Variants in NALCN observed in about 807,000 individuals in gnomAD.
The protein encoded by NALCN is sodium leak channel NALCN.
Under a neutral mutation model 225.3 loss-of-function variants are expected in NALCN, and 111 were observed. The observed-to-expected ratio is 0.49, with a 90% CI of 0.42 to 0.58. The LOEUF (loss-of-function observed/expected upper bound fraction) is 0.58, where lower values mean the gene tolerates loss of function less well. Among genes scored for constraint, NALCN ranks in the 20% least tolerant of loss-of-function variants. The probability of loss-of-function intolerance (pLI) is 0.00; values close to 1 mark genes in which losing one functional copy is unlikely to be tolerated. For synonymous variants in NALCN, 764 were observed against 769.0 expected, an observed-to-expected ratio of 0.99 and a Z score of 0.11; for missense variants, 1,378 against 2,202.4, an observed-to-expected ratio of 0.63 and a Z score of 7.49.
At chr13:101,183,062 G>A (rs1465699910) in intron 14 of NALCN, among the ~76,000 whole-genome samples, 1 of 152,210 alleles carries the variant, frequency 6.6e-6, no homozygotes, top group African/African-American at 2.4e-5. Flanking sequence ...GGGAGTGGGT[G>A]ACAAGCCCTC....
intron 17 of NALCN, among the ~76,000 whole-genome samples, chr13:101,140,296 C>T (rs1462713952): frequency 6.6e-6 from 1 of 152,196 alleles, no homozygotes; most frequent in Non-Finnish European, 1.5e-5. Context: ...TAGACTCCTC[C>T]TCAGCCCGGC....
intron 7 of NALCN, among the ~76,000 whole-genome samples, chr13:101,323,555 T>C (rs2044832930): frequency 6.6e-6 from 1 of 152,192 alleles, no homozygotes; most frequent in Non-Finnish European, 1.5e-5. Context: ...TGATTATTAT[T>C]TTACAGTCAA....
intron 7 of NALCN, among the ~76,000 whole-genome samples, chr13:101,302,208 A>T (rs2043997951): frequency 6.6e-6 from 1 of 152,244 alleles, no homozygotes; most frequent in Non-Finnish European, 1.5e-5. Flanking sequence ...CACATGGTTC[A>T]TATCTGCATC....
intron 41 of NALCN, among the ~76,000 whole-genome samples, chr13:101,060,308 C>T (rs1220613613): frequency 9.9e-6 from 1 of 100,558 alleles, no homozygotes; most frequent in Non-Finnish European, 1.9e-5. Flanking sequence ...TAGGATCTCA[C>T]TATGTCCCGT....
intron 17 of NALCN, among the ~76,000 whole-genome samples, chr13:101,131,023 A>T (rs1009467987): frequency 6.6e-6 from 1 of 151,490 alleles, no homozygotes; most frequent in African/African-American, 2.4e-5. Context: ...CTCTTTCTTC[A>T]TTTCTCTTTG....
At chr13:101,165,730 C>T (rs2038407426) in intron 15 of NALCN, among the ~76,000 whole-genome samples, 1 of 152,252 alleles carries the variant, frequency 6.6e-6, no homozygotes, top group South Asian at 2.1e-4. Flanking sequence ...CTTACCTCGG[C>T]CTCCTAAAGT....
intron 7 of NALCN, among the ~76,000 whole-genome samples, chr13:101,299,415 C>T (rs1433693014): frequency 6.6e-6 from 1 of 151,558 alleles, no homozygotes; most frequent in Non-Finnish European, 1.5e-5. Context: ...ACAAACCACA[C>T]ACAGGGTTTT....
At chr13:101,239,373 G>A (rs1214336279) in intron 11 of NALCN, among the ~76,000 whole-genome samples, 1 of 151,728 alleles carries the variant, frequency 6.6e-6, no homozygotes, top group Non-Finnish European at 1.5e-5. Flanking sequence ...ATTTACTCTG[G>A]AAAGAAAAAA....
Position 101,143,163 on chromosome 13 carries a change from T to C in NALCN, c.2035A>G (p.Arg679Gly), listed in dbSNP as rs202214303. The change falls in exon 17 of 44, where the codon AGA (arginine) becomes GGA (glycine). Residue 679 changes from arginine to glycine, a missense_variant. Arg to Gly is a moderately radical substitution (Grantham distance 125). Coordinates refer to ENST00000251127, the MANE Select transcript of NALCN (RefSeq NM_052867.4). ...RQQQDTCCLL[R>G]SLPTTSSSSC... The stretch of plus-strand genomic sequence containing the variant: ...GAGGAAGAGGTGGTCGGGAGGCTTC[T>C]CAGGAGGCAACATGTGTCCTGTTGC... The C allele has an allele frequency of 6.2e-7, 1 of 1,614,122 alleles. No individual in the cohort carries two copies. The highest frequency in any genetic ancestry group is 2.2e-5 in the East Asian group (1 of 44,878).
In NALCN at chr13:101,060,674, C is replaced by T. The variant is rs1277678124; in HGVS notation, c.4756-707G>A. 3.9e-5 allele frequency among the ~76,000 whole-genome samples: 6 copies of T among 152,046 alleles called. No homozygotes were observed. In the East Asian group the frequency reaches 9.7e-4, roughly 24 times the overall value. ...CTAGGCTCATTAAGCCAATACAATCCCAACCCCTTTCCCACTTTCCTGCAA... is the reference window on the plus strand; with the variant it reads ...CTAGGCTCATTAAGCCAATACAATCTCAACCCCTTTCCCACTTTCCTGCAA... On this transcript the variant is annotated intron_variant, in intron 41 of 43. Transcript: ENST00000251127.
In NALCN at chr13:101,254,038, C is replaced by A. The variant is rs1490704211; in HGVS notation, c.1266+4405G>T. 9.2e-5 allele frequency among the ~76,000 whole-genome samples: 14 copies of A among 152,178 alleles called. No individual in the cohort carries two copies. In the East Asian group the frequency reaches 2.7e-3, roughly 29 times the overall value. Reference sequence around the variant, plus strand: ...ATACAAAGAGAAATGGCAATGTAATCTGAATAAAAACGAAACATACTTGGG... The same window carrying A: ...ATACAAAGAGAAATGGCAATGTAATATGAATAAAAACGAAACATACTTGGG... On this transcript the variant is annotated intron_variant, in intron 11 of 43. Transcript: ENST00000251127.
chr13:101,404,023 C>T (rs57899562), intron 1 of NALCN, among the ~76,000 whole-genome samples: 6,125 of 152,210 alleles, frequency 0.04, 228 homozygotes, highest in East Asian at 0.12. Context: ...TGTTAAGTGA[C>T]GTGGATTTAA....
At chr13:101,165,132 C>T (rs2038376279) in intron 15 of NALCN, among the ~76,000 whole-genome samples, 4 of 152,146 alleles carry the variant, frequency 2.6e-5, no homozygotes, top group Non-Finnish European at 5.9e-5. Flanking sequence ...GTACAAATAT[C>T]ATTCTCTATG....
At chr13:101,110,187 C>T (rs751910693) in intron 20 of NALCN, among the ~76,000 whole-genome samples, 1 of 152,192 alleles carries the variant, frequency 6.6e-6, no homozygotes, top group Admixed American at 6.5e-5. Flanking sequence ...TAGTCCTTGA[C>T]AGGAAAATTC....
chr13:101,300,792 T>C (rs1212964698), intron 7 of NALCN, among the ~76,000 whole-genome samples: 1 of 152,238 alleles, frequency 6.6e-6, no homozygotes, highest in Non-Finnish European at 1.5e-5. Context: ...AAAACCACAT[T>C]TTTTATTTGC....
intron 13 of NALCN, among the ~76,000 whole-genome samples, chr13:101,202,282 C>T (rs370276889): frequency 9.2e-5 from 14 of 151,988 alleles, no homozygotes; most frequent in African/African-American, 3.1e-4. Flanking sequence ...TCATAACTGA[C>T]GGGATGAAGA....
intron 1 of NALCN, among the ~76,000 whole-genome samples, chr13:101,414,548 C>T (rs1413438152): frequency 3.3e-5 from 3 of 90,766 alleles, no homozygotes; most frequent in South Asian, 3.1e-4. Flanking sequence ...CAAAGCATGC[C>T]GGAATGATAA....
intron 28 of NALCN, 34 bp downstream of exon 28, chr13:101,095,540 C>T (rs769691143): frequency 1.0e-5 from 16 of 1,529,138 alleles, no homozygotes; most frequent in Non-Finnish European, 1.4e-5. Context: ...ACAAACACAC[C>T]ATTCTTCAGA....
At chr13:101,304,621 A>G (rs1172404225) in intron 7 of NALCN, among the ~76,000 whole-genome samples, 1 of 152,106 alleles carries the variant, frequency 6.6e-6, no homozygotes, top group African/African-American at 2.4e-5. Context: ...TATTTCTTGT[A>G]GAGACCAGGT....
Sources: gnomAD v4.1 joint callset for allele counts (sites outside exome capture counted in the v4.1 genomes callset) on GRCh38, gnomAD v4.1.1 for gene constraint, MANE v1.5 for transcripts, NCBI Gene and HGNC (gene_info 2026-07-23, HGNC 2026-07-21) for gene names.